KLRG1: variants seen among roughly 807,000 people sequenced by gnomAD.
KLRG1 encodes killer cell lectin-like receptor subfamily G member 1.
A neutral mutation model predicts 21.8 loss-of-function variants in KLRG1; 16 were observed. The ratio of observed to expected loss-of-function variants is 0.73; its 90% confidence interval spans 0.50 to 1.11. The LOEUF (loss-of-function observed/expected upper bound fraction) is 1.11. Ranked by LOEUF, KLRG1 falls within the 50% of genes most tolerant of loss-of-function variation. KLRG1 has a pLI of 0.00. For synonymous variants in KLRG1, 69 were observed against 75.9 expected, an observed-to-expected ratio of 0.91 and a Z score of 0.47; for missense variants, 173 against 218.3, an observed-to-expected ratio of 0.79 and a Z score of 1.31.
the KLRG1 span, chr12:9,109,969 A>G: frequency 1.2e-6 from 2 of 1,613,880 alleles, no homozygotes; most frequent in Non-Finnish European, 1.7e-6. Context: ...AGGGGAAAAG[A>G]AAATTGCTTG....
At chr12:9,077,910 A>C in the KLRG1 span, 1 of 1,608,964 alleles carries the variant, frequency 6.2e-7, no homozygotes, top group Non-Finnish European at 8.5e-7. Flanking sequence ...TGGTTTTATA[A>C]CCACTTCACA....
chr12:8,956,739 A>G (rs926557596), intron 1 of KLRG1, among the ~76,000 whole-genome samples: 1 of 152,202 alleles, frequency 6.6e-6, no homozygotes, highest in East Asian at 1.9e-4. Flanking sequence ...GAGCCACTGC[A>G]CCTGACCTTT....
the KLRG1 span, chr12:9,111,952 C>CTG: frequency 1.6e-4 from 120 of 731,596 alleles, no homozygotes; most frequent in Non-Finnish European, 2.8e-4. Flanking sequence ...TGACAACTGA[C>CTG]TGAGTACCAG....
intron 1 of KLRG1, among the ~76,000 whole-genome samples, chr12:8,977,221 T>G (rs1327348554): frequency 7.4e-6 from 1 of 135,674 alleles, no homozygotes; most frequent in African/African-American, 2.6e-5. Flanking sequence ...TTTTTTTTTT[T>G]GAGACGGAGT....
the KLRG1 span, among the ~76,000 whole-genome samples, chr12:9,175,219 C>A: frequency 6.6e-6 from 1 of 152,138 alleles, no homozygotes; most frequent in South Asian, 2.1e-4. Flanking sequence ...GGAAAGGCCT[C>A]CCTATTTAGT....
the KLRG1 span, among the ~76,000 whole-genome samples, chr12:9,044,224 G>GA: frequency 6.6e-6 from 1 of 151,890 alleles, no homozygotes; most frequent in East Asian, 1.9e-4. Context: ...TGATGAAATA[G>GA]AAAAAAAGAA....
chr12:9,082,499 C>T, the KLRG1 span, among the ~76,000 whole-genome samples: 3 of 152,218 alleles, frequency 2.0e-5, no homozygotes, highest in Non-Finnish European at 2.9e-5. Context: ...ACTCTGCCTG[C>T]TCAAGGTTGT....
At chr12:9,173,540 G>GT in the KLRG1 span, among the ~76,000 whole-genome samples, 2 of 151,760 alleles carry the variant, frequency 1.3e-5, no homozygotes, top group Non-Finnish European at 1.5e-5. Context: ...CCAGGAGCTG[G>GT]TTTTTTTGAA....
the KLRG1 span, chr12:9,200,766 T>G: frequency 1.0e-6 from 1 of 1,001,298 alleles, no homozygotes. Context: ...GTCCTAATGG[T>G]CTTAGAAGCA....
At chr12:9,092,850 A>C in the KLRG1 span, among the ~76,000 whole-genome samples, 1 of 152,228 alleles carries the variant, frequency 6.6e-6, no homozygotes. Context: ...TTGCCAAGAT[A>C]TAAAAACAAC....
chr12:9,165,504 A>C, the KLRG1 span: 1 of 956,720 alleles, frequency 1.0e-6, no homozygotes, highest in Admixed American at 2.5e-5. Context: ...TCGTGTGAAC[A>C]CTAGATTATG....
At chr12:9,067,425 T>C in the KLRG1 span, 2 of 288,936 alleles carry the variant, frequency 6.9e-6, no homozygotes, top group South Asian at 3.8e-5. Context: ...TCTTTTCTGG[T>C]GAAGTCAGTC....
chr12:8,977,370 ATT>A (rs1229287155), intron 1 of KLRG1, among the ~76,000 whole-genome samples: 91 of 127,810 alleles, frequency 7.1e-4, no homozygotes, highest in Admixed American at 1.1e-3. Flanking sequence ...TGCCTGGCTA[ATT>A]TTTTTTTTTT....
At chr12:9,160,748 A>C in the KLRG1 span, among the ~76,000 whole-genome samples, 2 of 152,100 alleles carry the variant, frequency 1.3e-5, no homozygotes, top group Non-Finnish European at 2.9e-5. Flanking sequence ...CCCCGTCTCT[A>C]CTAAAAATAC....
intron 3 of KLRG1, among the ~76,000 whole-genome samples, chr12:9,001,102 CA>C (rs1645449328): frequency 6.6e-6 from 1 of 152,080 alleles, no homozygotes; most frequent in Admixed American, 6.6e-5. Context: ...TATTTTTAAA[CA>C]GTATGTTGGT....
At chr12:9,089,171 T>G in the KLRG1 span, 142 of 1,519,164 alleles carry the variant, frequency 9.3e-5, no homozygotes, top group African/African-American at 1.6e-3. Context: ...GACTTTAATG[T>G]TTTTTAAATT....
chr12:9,156,828 A>T, the KLRG1 span, among the ~76,000 whole-genome samples: 1 of 152,172 alleles, frequency 6.6e-6, no homozygotes, highest in Non-Finnish European at 1.5e-5. Context: ...AATCAGTGTA[A>T]ATGGAAATGG....
At chr12:9,090,843 C>A in the KLRG1 span, among the ~76,000 whole-genome samples, 1 of 152,136 alleles carries the variant, frequency 6.6e-6, no homozygotes, top group African/African-American at 2.4e-5. Context: ...AGGTAAGATG[C>A]TCACAAACGA....
chr12:9,134,107 C>T, the KLRG1 span, among the ~76,000 whole-genome samples: 3 of 152,158 alleles, frequency 2.0e-5, no homozygotes, highest in Non-Finnish European at 4.4e-5. Context: ...GGAAGGAAGT[C>T]TACAGAACTC....
Sources: gnomAD v4.1 joint callset for allele counts (sites outside exome capture counted in the v4.1 genomes callset) on GRCh38, gnomAD v4.1.1 for gene constraint, MANE v1.5 for transcripts, NCBI Gene and HGNC (gene_info 2026-07-23, HGNC 2026-07-21) for gene names.